The following EFHC2 variants were observed in gnomAD, a reference collection of about 807,000 sequenced individuals.
EFHC2 encodes the protein EF-hand domain containing 2.
In EFHC2, 18 loss-of-function variants were observed where a neutral mutation model predicts 52.7. The observed-to-expected ratio is 0.34, with a 90% confidence interval of 0.24 to 0.51. The LOEUF (loss-of-function observed/expected upper bound fraction) is 0.51. Among genes scored for constraint, EFHC2 ranks in the 20% least tolerant of loss-of-function variants. EFHC2 has a pLI of 0.97. For missense variants in EFHC2, 513 were observed against 562.5 expected (o/e 0.91, Z 0.89); for synonymous variants, 203 against 204.1 (o/e 0.99, Z 0.04).
intron 2 of EFHC2, chrX:44,285,247 C>T (rs1001560812): frequency 9.0e-6 from 1 of 111,577 alleles, no homozygotes; most frequent in African/African-American, 3.3e-5. Context: ...CAGTGAGCTC[C>T]GAAAACACAT....
Position 44,229,794 on chromosome X carries a change from T to A in EFHC2, c.1621-15A>T. ...CTGAAAGGATACTGTAAGGGGGAAA[T>A]GAAAGGAAAAACATATTTAAATATT... On this transcript the variant is annotated splice_polypyrimidine_tract_variant and intron_variant, in intron 10 of 14. Coordinates refer to ENST00000420999, the MANE Select transcript of EFHC2 (RefSeq NM_025184.4). 1 of 1,197,743 alleles carries A rather than the reference T, an allele frequency of 8.3e-7. No individual in the cohort carries two copies. Among genetic ancestry groups the A allele is most frequent in the Non-Finnish European group, 1.1e-6 (1 of 889,010 alleles).
In EFHC2 at chrX:44,250,368, C is replaced by A; in HGVS notation, c.684G>T (p.Lys228Asn). The change falls in exon 5 of 15, where the codon AAG becomes AAT. Residue 228 changes from lysine (K) to asparagine (N), a missense_variant. Coordinates refer to ENST00000420999, the MANE Select transcript of EFHC2 (RefSeq NM_025184.4). ...TLKQFLQYHG[K>N]ILCFFCLWDD... ...CCCACAGGCAGAAGAAACACAAAAT[C>A]TTGCCATGATACTGGAGGAACTGTT... The A allele has an allele frequency of 8.3e-7, 1 of 1,211,439 alleles. No homozygotes were observed. Among genetic ancestry groups the A allele is most frequent in the Non-Finnish European group, 1.1e-6 (1 of 895,319 alleles).
chrX:44,283,601 G>C (rs1227580163), intron 2 of EFHC2, among the ~76,000 whole-genome samples: 2 of 99,668 alleles, frequency 2.0e-5, no homozygotes, highest in African/African-American at 7.6e-5. Flanking sequence ...ACAGTCTTAG[G>C]AGTGCGTTCC....
intron 1 of EFHC2, among the ~76,000 whole-genome samples, chrX:44,314,625 T>TAC (rs775962900): frequency 5.4e-5 from 6 of 110,166 alleles, no homozygotes; most frequent in South Asian, 7.7e-4. Flanking sequence ...CTCTCACACA[T>TAC]ACACACACAC....
At chrX:44,243,028 A>G (rs2037372244) in intron 7 of EFHC2, among the ~76,000 whole-genome samples, 1 of 111,997 alleles carries the variant, frequency 8.9e-6, no homozygotes, top group South Asian at 3.8e-4. Context: ...TACGCGGTAA[A>G]TACTGTTGAT....
At chrX:44,339,600 A>G (rs777346796) in intron 1 of EFHC2, among the ~76,000 whole-genome samples, 55 of 111,480 alleles carry the variant, frequency 4.9e-4, no homozygotes, top group African/African-American at 2.0e-4. Context: ...TTGACTGACC[A>G]CTGGCAGCTA....
At chrX:44,207,035 A>G (rs5953341) in intron 11 of EFHC2, among the ~76,000 whole-genome samples, 4,924 of 111,513 alleles carry the variant, frequency 0.044, 283 homozygotes, top group African/African-American at 0.15. Flanking sequence ...GATCAATGGA[A>G]AAGAATAGAG....
chrX:44,208,213 A>C lies in EFHC2; in HGVS notation c.1751+21436T>G, dbSNP rs142001184. Among the ~76,000 whole-genome samples, 405 of 112,318 alleles carry C rather than the reference A, an allele frequency of 3.6e-3. 3 individuals carry two copies. Among genetic ancestry groups the C allele is most frequent in the African/African-American group, 0.012 (383 of 30,920 alleles). ...CCACTGTTGATGGGCACCTAGGTTG[A>C]TTCTATGAGGTGGTTATTGTGAATA... On this transcript the variant is annotated intron_variant, in intron 11 of 14. Transcript: ENST00000420999.
rs186115026 is a variant in EFHC2 at position 44,307,560 on chromosome X, A to G, written c.231+5008T>C. Among the ~76,000 whole-genome samples, 12 of 112,153 alleles carry G rather than the reference A, an allele frequency of 1.1e-4. No individual in the cohort carries two copies. In the East Asian group the frequency reaches 3.4e-3, roughly 31 times the overall value. On this transcript the variant is annotated intron_variant, in intron 2 of 14. Coordinates refer to ENST00000420999, the MANE Select transcript of EFHC2 (RefSeq NM_025184.4). ...CGAATACAATTAACAAATGGGGCCA[A>G]AAGATCAACATTTATCTCTCATCAT...
intron 1 of EFHC2, among the ~76,000 whole-genome samples, chrX:44,323,068 T>C (rs1226290666): frequency 8.9e-6 from 1 of 112,050 alleles, no homozygotes; most frequent in Non-Finnish European, 1.9e-5. Context: ...AGCTTATATG[T>C]TCTTTTCCAC....
intron 14 of EFHC2, among the ~76,000 whole-genome samples, chrX:44,156,103 T>C (rs1276444981): frequency 8.9e-6 from 1 of 112,028 alleles, no homozygotes; most frequent in African/African-American, 3.2e-5. Context: ...GCAGGGCAAG[T>C]AAAGTTTTCA....
At chrX:44,231,693 T>C (rs1460160776) in intron 10 of EFHC2, among the ~76,000 whole-genome samples, 1 of 111,931 alleles carries the variant, frequency 8.9e-6, no homozygotes, top group African/African-American at 3.2e-5. Context: ...CCATTTTATA[T>C]ATAAATGAGA....
At chrX:44,295,976 A>G (rs1338728192) in intron 2 of EFHC2, among the ~76,000 whole-genome samples, 1 of 111,432 alleles carries the variant, frequency 9.0e-6, no homozygotes, top group African/African-American at 3.3e-5. Flanking sequence ...TTTATGCTGC[A>G]CATCCACACT....
intron 9 of EFHC2, among the ~76,000 whole-genome samples, chrX:44,234,447 C>T (rs1209235228): frequency 8.9e-6 from 1 of 112,143 alleles, no homozygotes; most frequent in Non-Finnish European, 1.9e-5. Context: ...ATTCCTTACT[C>T]ATTGGTGTGC....
intron 14 of EFHC2, among the ~76,000 whole-genome samples, chrX:44,162,148 C>T (rs1016019352): frequency 1.9e-4 from 21 of 111,788 alleles, no homozygotes; most frequent in African/African-American, 6.8e-4. Context: ...CATGGCCAGG[C>T]GTGGTGGCTC....
chrX:44,242,670 C>A (rs2037369250), intron 7 of EFHC2, among the ~76,000 whole-genome samples: 1 of 111,101 alleles, frequency 9.0e-6, no homozygotes, highest in Admixed American at 9.6e-5. Context: ...TGTAATTTAG[C>A]CCTCTCCTAT....
intron 4 of EFHC2, among the ~76,000 whole-genome samples, chrX:44,260,621 C>T (rs1465587970): frequency 8.9e-6 from 1 of 111,761 alleles, no homozygotes; most frequent in Non-Finnish European, 1.9e-5. Context: ...CCTAAGAGGA[C>T]CTGGAATTTC....
At chrX:44,310,456 C>G (rs1052007074) in intron 2 of EFHC2, 1 of 790,556 alleles carries the variant, frequency 1.3e-6, no homozygotes, top group African/African-American at 2.1e-5. Flanking sequence ...TGTGCAGCAG[C>G]GGGACGCGGA....
At chrX:44,170,443 A>C (rs906327848) in intron 13 of EFHC2, among the ~76,000 whole-genome samples, 5 of 111,062 alleles carry the variant, frequency 4.5e-5, no homozygotes, top group Admixed American at 9.6e-5. Context: ...GAGGAGGAGG[A>C]GGCAGGGGAA....
Sources: allele counts gnomAD v4.1 joint callset (sites outside exome capture counted in the v4.1 genomes callset), GRCh38; gene constraint gnomAD v4.1.1; transcripts MANE v1.5; gene names NCBI Gene and HGNC (gene_info 2026-07-23, HGNC 2026-07-21).